The following TAFA1 variants were observed in gnomAD, a reference collection of about 807,000 sequenced individuals.
TAFA1 encodes chemokine-like protein TAFA-1.
In TAFA1, 4 loss-of-function variants were observed where a neutral mutation model predicts 18.5. That is an observed-to-expected ratio of 0.22 (90% CI 0.11 to 0.49). The LOEUF (loss-of-function observed/expected upper bound fraction) is 0.49. TAFA1 is among the 20% of genes least tolerant of loss of function. The pLI, the probability that TAFA1 is intolerant of heterozygous loss-of-function variation, is 0.98. For missense variants in TAFA1, 147 were observed against 169.0 expected (o/e 0.87, Z 0.72); for synonymous variants, 56 against 55.2 (o/e 1.01, Z -0.06).
At chr3:68,266,259 T>C (rs1050769465) in intron 2 of TAFA1, among the ~76,000 whole-genome samples, 3 of 152,154 alleles carry the variant, frequency 2.0e-5, no homozygotes, top group East Asian at 1.9e-4. Flanking sequence ...GTCCCAGCAG[T>C]TGGTAGAGAG....
chr3:68,093,394 A>C lies in TAFA1; in HGVS notation c.118+86650A>C, dbSNP rs1367304938. On this transcript the variant is annotated intron_variant, in intron 2 of 4. Coordinates refer to ENST00000478136, the MANE Select transcript of TAFA1 (RefSeq NM_213609.4). ...TGTTAAACTAGTTTCCATCCCCCTT[A>C]TTTCAGCTCTGAGGAAGACCTTAAA... 1.3e-5 allele frequency among the ~76,000 whole-genome samples: 2 copies of C among 151,968 alleles called. 1 individual carries two copies. Among genetic ancestry groups the C allele is most frequent in the Non-Finnish European group, 2.9e-5 (2 of 67,964 alleles).
intron 2 of TAFA1, among the ~76,000 whole-genome samples, chr3:68,189,380 T>A (rs2066310974): frequency 6.6e-6 from 1 of 151,884 alleles, no homozygotes; most frequent in South Asian, 2.1e-4. Context: ...ACCCTGTCCT[T>A]GTCCTTATTT....
intron 2 of TAFA1, among the ~76,000 whole-genome samples, chr3:68,405,978 G>C (rs2070598419): frequency 6.6e-6 from 1 of 151,858 alleles, no homozygotes; most frequent in African/African-American, 2.4e-5. Context: ...TACCTACTAT[G>C]TGCTGCTCGA....
intron 2 of TAFA1, among the ~76,000 whole-genome samples, chr3:68,405,727 AAAAAAAAAAAAAAGACT>A (rs2070591782): frequency 5.0e-5 from 7 of 140,606 alleles, no homozygotes; most frequent in African/African-American, 1.3e-4. Context: ...AAAAAAAAAA[AAAAAAAAAAAAAAGACT>A]AGACAAAGTG....
At position 68,380,950 on chromosome 3, in the gene TAFA1, G is replaced by A. The variant is rs373734949; in HGVS notation, c.119-36330G>A. Among the ~76,000 whole-genome samples the A allele has an allele frequency of 2.7e-5, 4 of 150,118 alleles. 1 individual carries two copies. Among genetic ancestry groups the A allele is most frequent in the Non-Finnish European group, 3.0e-5 (2 of 67,698 alleles). On this transcript the variant is annotated intron_variant, in intron 2 of 4. Transcript: ENST00000478136. Reference sequence around the variant, plus strand: ...CCATCTTGAATTAATTTTTGTATAAGGTGTAAGGAAGGGATCCAGTTTCAG... The same window carrying A: ...CCATCTTGAATTAATTTTTGTATAAAGTGTAAGGAAGGGATCCAGTTTCAG...
At chr3:68,153,242 T>A (rs775334960) in intron 2 of TAFA1, among the ~76,000 whole-genome samples, 22 of 152,168 alleles carry the variant, frequency 1.4e-4, no homozygotes, top group Admixed American at 3.3e-4. Flanking sequence ...TATATATAGA[T>A]CCAATAGCAA....
intron 3 of TAFA1, among the ~76,000 whole-genome samples, chr3:68,495,972 C>T (rs1404982358): frequency 5.9e-5 from 5 of 85,180 alleles, no homozygotes; most frequent in South Asian, 6.2e-4. Flanking sequence ...GAAATAACAA[C>T]GATAGTGAAC....
At chr3:68,430,539 G>A (rs781007251) in intron 3 of TAFA1, among the ~76,000 whole-genome samples, 19 of 151,936 alleles carry the variant, frequency 1.3e-4, no homozygotes, top group African/African-American at 1.9e-4. Context: ...GGGAAATTGC[G>A]TAAATTAGTC....
intron 2 of TAFA1, among the ~76,000 whole-genome samples, chr3:68,361,964 A>C (rs984601637): frequency 3.3e-5 from 5 of 152,130 alleles, no homozygotes; most frequent in Non-Finnish European, 5.9e-5. Context: ...CTCATCTATT[A>C]ACCATTCCAA....
intron 2 of TAFA1, among the ~76,000 whole-genome samples, chr3:68,351,422 A>G (rs1261487309): frequency 2.0e-5 from 3 of 152,106 alleles, no homozygotes; most frequent in Non-Finnish European, 4.4e-5. Flanking sequence ...AGCAGATTCA[A>G]TGCAGTAGAG....
chr3:68,096,779 T>G (rs1266538519), intron 2 of TAFA1, among the ~76,000 whole-genome samples: 1 of 152,058 alleles, frequency 6.6e-6, no homozygotes, highest in Non-Finnish European at 1.5e-5. Context: ...AATACACAAA[T>G]ACACATGCAC....
At chr3:68,438,184 C>G (rs936742567) in intron 3 of TAFA1, among the ~76,000 whole-genome samples, 3 of 152,090 alleles carry the variant, frequency 2.0e-5, no homozygotes, top group Non-Finnish European at 4.4e-5. Flanking sequence ...CAGACAAAAC[C>G]CTGTCTCTAC....
At chr3:68,431,427 A>G (rs1164277614) in intron 3 of TAFA1, among the ~76,000 whole-genome samples, 1 of 151,944 alleles carries the variant, frequency 6.6e-6, no homozygotes. Flanking sequence ...CCTACTGAAA[A>G]TGTTACCAAC....
intron 2 of TAFA1, among the ~76,000 whole-genome samples, chr3:68,282,109 C>A (rs1443429943): frequency 6.6e-6 from 1 of 152,140 alleles, no homozygotes; most frequent in Non-Finnish European, 1.5e-5. Flanking sequence ...ACCATCAGAT[C>A]TCATGAGAAT....
intron 3 of TAFA1, among the ~76,000 whole-genome samples, chr3:68,457,105 T>C (rs2071680555): frequency 6.6e-6 from 1 of 152,204 alleles, no homozygotes; most frequent in South Asian, 2.1e-4. Flanking sequence ...GCATTTTAAG[T>C]AGGTACTTGT....
intron 2 of TAFA1, among the ~76,000 whole-genome samples, chr3:68,011,134 G>A (rs1424520911): frequency 6.8e-6 from 1 of 146,336 alleles, no homozygotes; most frequent in East Asian, 2.0e-4. Flanking sequence ...TGTGTGGGGG[G>A]TGGTGGGGGG....
chr3:68,388,253 A>C (rs2070147999), intron 2 of TAFA1, among the ~76,000 whole-genome samples: 1 of 152,180 alleles, frequency 6.6e-6, no homozygotes, highest in African/African-American at 2.4e-5. Context: ...GATGTGAACT[A>C]TATGTTTATA....
chr3:68,144,711 T>C (rs1180815701), intron 2 of TAFA1, among the ~76,000 whole-genome samples: 1 of 152,228 alleles, frequency 6.6e-6, no homozygotes, highest in Non-Finnish European at 1.5e-5. Context: ...GACTCTTCTT[T>C]AATTTCCCAC....
chr3:68,500,750 GAC>G (rs2072642983), intron 3 of TAFA1, among the ~76,000 whole-genome samples: 1 of 151,774 alleles, frequency 6.6e-6, no homozygotes, highest in African/African-American at 2.4e-5. Context: ...CAATCACTGT[GAC>G]CAGAAGATCA....
Sources: allele counts gnomAD v4.1 joint callset (sites outside exome capture counted in the v4.1 genomes callset), GRCh38; gene constraint gnomAD v4.1.1; transcripts MANE v1.5; gene names NCBI Gene and HGNC (gene_info 2026-07-23, HGNC 2026-07-21).